DLGAP1: variants seen among roughly 807,000 people sequenced by gnomAD.
The protein encoded by DLGAP1 is DLG associated protein 1, also known as disks large-associated protein 1.
DLGAP1 carries 11 observed loss-of-function variants against 90.8 expected under a neutral mutation model. The ratio of observed to expected loss-of-function variants is 0.12; its 90% confidence interval spans 0.08 to 0.20. The LOEUF is 0.20. Ranked by LOEUF, DLGAP1 falls within the 10% of genes least tolerant of loss-of-function variation. DLGAP1 has a pLI of 1.00. For missense variants in DLGAP1, 1,050 were observed against 1,333.8 expected (o/e 0.79, Z 3.31); for synonymous variants, 558 against 540.7 (o/e 1.03, Z -0.44).
chr18:4,210,059 T>C (rs1257723614), intron 1 of DLGAP1, among the ~76,000 whole-genome samples: 1 of 152,166 alleles, frequency 6.6e-6, no homozygotes, highest in Non-Finnish European at 1.5e-5. Context: ...AAAATTCACA[T>C]CCTTAGAAAC....
At chr18:4,190,953 G>A (rs1246475608) in intron 1 of DLGAP1, among the ~76,000 whole-genome samples, 1 of 152,066 alleles carries the variant, frequency 6.6e-6, no homozygotes, top group Non-Finnish European at 1.5e-5. Flanking sequence ...ATAATCTTAT[G>A]TGAAATACAT....
At chr18:4,412,451 A>T (rs1567902004) in intron 1 of DLGAP1, among the ~76,000 whole-genome samples, 2 of 152,208 alleles carry the variant, frequency 1.3e-5, no homozygotes, top group Non-Finnish European at 2.9e-5. Context: ...AGGTCAGGTA[A>T]CAACATAATC....
intron 2 of DLGAP1, among the ~76,000 whole-genome samples, chr18:4,052,049 G>C (rs748426809): frequency 2.0e-5 from 3 of 152,198 alleles, no homozygotes; most frequent in Non-Finnish European, 4.4e-5. Flanking sequence ...GCTTTGCAGG[G>C]TACAGCTCCC....
chr18:3,498,997 G>A lies in DLGAP1; in HGVS notation c.*188C>T, dbSNP rs1209218987. 5 of 575,162 alleles carry A rather than the reference G, an allele frequency of 8.7e-6. No homozygotes were observed. Among genetic ancestry groups the A allele is most frequent in the Non-Finnish European group, 1.5e-5 (5 of 330,758 alleles). The allele number at this position is 575,162 out of a possible 1,614,324, so 35.6% of individuals were successfully genotyped here. ...CGGTGAAGAAGGAGATGGGCAAACG[G>A]GTACGGGAAGTGGGGGGCTGAGGGG... On this transcript the variant is annotated 3_prime_UTR_variant, in exon 13 of 13. Transcript: ENST00000315677.
intron 3 of DLGAP1, among the ~76,000 whole-genome samples, chr18:3,926,583 C>G (rs2072395887): frequency 6.6e-6 from 1 of 151,456 alleles, no homozygotes; most frequent in South Asian, 2.1e-4. Context: ...TATATATACA[C>G]ATATATAGAT....
At chr18:4,279,265 T>C (rs796840294) in intron 1 of DLGAP1, among the ~76,000 whole-genome samples, 7 of 151,878 alleles carry the variant, frequency 4.6e-5, no homozygotes, top group African/African-American at 1.7e-4. Flanking sequence ...AAGTGCATTC[T>C]AAAATAGAAA....
intron 2 of DLGAP1, among the ~76,000 whole-genome samples, chr18:4,009,138 C>G (rs1053824912): frequency 7.2e-5 from 11 of 152,094 alleles, no homozygotes; most frequent in Admixed American, 4.6e-4. Flanking sequence ...CTCCTGACCT[C>G]GTGATCCACC....
intron 6 of DLGAP1, among the ~76,000 whole-genome samples, chr18:3,732,816 T>TC (rs2147508347): frequency 6.6e-6 from 1 of 152,274 alleles, no homozygotes. Flanking sequence ...AAAAGCCCTT[T>TC]CTTTTTTTAG....
At chr18:3,993,253 A>T (rs2096308074) in intron 3 of DLGAP1, 1 of 152,206 alleles carries the variant, frequency 6.6e-6, no homozygotes, top group African/African-American at 2.4e-5. Context: ...GTTTGGAAAC[A>T]GGATAAGACA....
chr18:4,385,580 AAAAC>A (rs2082214302), intron 1 of DLGAP1, among the ~76,000 whole-genome samples: 1 of 152,142 alleles, frequency 6.6e-6, no homozygotes, highest in Non-Finnish European at 1.5e-5. Flanking sequence ...ATAAATAAAT[AAAAC>A]AAGCGCCATG....
intron 2 of DLGAP1, among the ~76,000 whole-genome samples, chr18:4,138,248 T>C (rs1360311942): frequency 6.6e-6 from 1 of 152,142 alleles, no homozygotes; most frequent in African/African-American, 2.4e-5. Flanking sequence ...TGTGGGTCTG[T>C]CGTACACACC....
intron 3 of DLGAP1, among the ~76,000 whole-genome samples, chr18:3,969,427 A>T (rs2073397859): frequency 6.6e-6 from 1 of 152,202 alleles, no homozygotes. Context: ...GCGTTGACTG[A>T]GTGTATTACA....
intron 4 of DLGAP1, among the ~76,000 whole-genome samples, chr18:3,875,675 GACA>G (rs1316845956): frequency 1.3e-5 from 2 of 152,166 alleles, no homozygotes; most frequent in African/African-American, 4.8e-5. Flanking sequence ...GAGCAAATTA[GACA>G]ACATCTGAAA....
chr18:3,894,809 TCTTA>T (rs754973332), intron 3 of DLGAP1: 1 of 152,188 alleles, frequency 6.6e-6, no homozygotes, highest in Non-Finnish European at 1.5e-5. Flanking sequence ...TGAGTACTCC[TCTTA>T]CTTTTTCAAG....
chr18:3,523,709 T>C (rs555115799), intron 10 of DLGAP1, among the ~76,000 whole-genome samples: 8 of 151,862 alleles, frequency 5.3e-5, no homozygotes, highest in East Asian at 3.9e-4. Flanking sequence ...TAGCCAGGCG[T>C]GGTGGCGTGC....
At chr18:4,281,858 T>A (rs551380747) in intron 1 of DLGAP1, among the ~76,000 whole-genome samples, 3 of 152,340 alleles carry the variant, frequency 2.0e-5, no homozygotes, top group African/African-American at 7.2e-5. Context: ...TTTATACCTA[T>A]ATACTTCCTA....
intron 7 of DLGAP1, among the ~76,000 whole-genome samples, chr18:3,591,245 G>A (rs2056225556): frequency 6.6e-6 from 1 of 152,020 alleles, no homozygotes; most frequent in Non-Finnish European, 1.5e-5. Flanking sequence ...ATGATGTGAA[G>A]AGGCCAAAAG....
At chr18:3,854,710 A>C (rs1472476341) in intron 4 of DLGAP1, among the ~76,000 whole-genome samples, 1 of 152,200 alleles carries the variant, frequency 6.6e-6, no homozygotes, top group Non-Finnish European at 1.5e-5. Flanking sequence ...GTGTTAAACC[A>C]CCTGAGTGTG....
chr18:4,032,427 T>G (rs1415433096), intron 2 of DLGAP1, among the ~76,000 whole-genome samples: 1 of 152,070 alleles, frequency 6.6e-6, no homozygotes, highest in Non-Finnish European at 1.5e-5. Context: ...CCCAATAAAG[T>G]TTTGAACATC....
Sources: gnomAD v4.1 joint callset for allele counts (sites outside exome capture counted in the v4.1 genomes callset) on GRCh38, gnomAD v4.1.1 for gene constraint, MANE v1.5 for transcripts, NCBI Gene and HGNC (gene_info 2026-07-23, HGNC 2026-07-21) for gene names.